The following OSTN variants were observed in gnomAD, a reference collection of about 807,000 sequenced individuals.
OSTN encodes the protein osteocrin.
Under a neutral mutation model 12.0 loss-of-function variants are expected in OSTN, and 9 were observed. That is an observed-to-expected ratio of 0.75 (90% CI 0.45 to 1.30). OSTN has a LOEUF of 1.30. Ranked by LOEUF, OSTN falls within the 50% of genes most tolerant of loss-of-function variation. The pLI, the probability that OSTN is intolerant of heterozygous loss-of-function variation, is 0.00. For missense variants in OSTN, 148 were observed against 152.3 expected, an observed-to-expected ratio of 0.97 and a Z score of 0.15; for synonymous variants, 59 against 56.9, an observed-to-expected ratio of 1.04 and a Z score of -0.16.
chr3:191,240,199 T>G (rs1395906197), intron 3 of OSTN, among the ~76,000 whole-genome samples: 1 of 152,246 alleles, frequency 6.6e-6, no homozygotes, highest in Admixed American at 6.5e-5. Context: ...AACATGGTTT[T>G]GTACACTTTG....
intron 2 of OSTN, chr3:191,217,253 C>T (rs575085802): frequency 5.3e-5 from 8 of 152,248 alleles, no homozygotes; most frequent in Non-Finnish European, 1.0e-4. Flanking sequence ...AGAGAAACTG[C>T]CCCCATAATT....
chr3:191,259,042 T>A (rs1348269739), intron 4 of OSTN, among the ~76,000 whole-genome samples: 1 of 152,050 alleles, frequency 6.6e-6, no homozygotes, highest in Non-Finnish European at 1.5e-5. Flanking sequence ...GAAAGAAGAC[T>A]CCCAGAAAGG....
chr3:191,206,083 C>A (rs1379078137), intron 1 of OSTN, among the ~76,000 whole-genome samples: 2 of 151,836 alleles, frequency 1.3e-5, no homozygotes, highest in South Asian at 2.1e-4. Flanking sequence ...ACTCAGGAGG[C>A]TGAGGCAGGA....
At chr3:191,203,255 C>T (rs76752908) in intron 1 of OSTN, among the ~76,000 whole-genome samples, 4,889 of 152,280 alleles carry the variant, frequency 0.032, 104 homozygotes, top group Middle Eastern at 0.051. Context: ...TGACCCTGTG[C>T]CAGGCATTCT....
intron 3 of OSTN, among the ~76,000 whole-genome samples, chr3:191,243,625 T>G (rs543676336): frequency 1.3e-5 from 2 of 152,286 alleles, no homozygotes; most frequent in African/African-American, 2.4e-5. Context: ...TTCTGATATA[T>G]GTACACATTG....
intron 1 of OSTN, among the ~76,000 whole-genome samples, chr3:191,203,468 G>GA (rs1419472840): frequency 1.3e-5 from 2 of 151,720 alleles, no homozygotes; most frequent in African/African-American, 2.4e-5. Context: ...CCAAATAGAG[G>GA]AAAAAAACAG....
At chr3:191,248,933 C>T (rs894430793) in intron 3 of OSTN, among the ~76,000 whole-genome samples, 2 of 152,186 alleles carry the variant, frequency 1.3e-5, no homozygotes, top group Admixed American at 6.5e-5. Flanking sequence ...GAAATCCTTA[C>T]ATTTGGTGGG....
At chr3:191,246,256 G>A (rs188546307) in intron 3 of OSTN, among the ~76,000 whole-genome samples, 63 of 151,778 alleles carry the variant, frequency 4.2e-4, no homozygotes, top group African/African-American at 1.5e-3. Context: ...TCTCATTCAC[G>A]TTGTTGGCAG....
At chr3:191,203,795 T>G (rs1714206589) in intron 1 of OSTN, among the ~76,000 whole-genome samples, 1 of 152,272 alleles carries the variant, frequency 6.6e-6, no homozygotes, top group Non-Finnish European at 1.5e-5. Flanking sequence ...GTTCTGGCTC[T>G]TCTTCTAACT....
intron 4 of OSTN, among the ~76,000 whole-genome samples, 169 bp from the exon 5 acceptor site, chr3:191,262,697 T>C (rs1411254835): frequency 6.6e-6 from 1 of 152,234 alleles, no homozygotes; most frequent in Non-Finnish European, 1.5e-5. Flanking sequence ...GAACTGAAAT[T>C]GTTATTTTGC....
intron 2 of OSTN, chr3:191,213,220 G>A (rs1714512349): frequency 6.6e-6 from 1 of 152,134 alleles, no homozygotes; most frequent in Non-Finnish European, 1.5e-5. Context: ...TAAGAAGGAG[G>A]TGCAGCTACC....
chr3:191,257,610 A>G (rs1715701595), intron 4 of OSTN, among the ~76,000 whole-genome samples: 1 of 152,236 alleles, frequency 6.6e-6, no homozygotes, highest in South Asian at 2.1e-4. Flanking sequence ...GGCTGTAATC[A>G]AGATACACAG....
chr3:191,239,314 T>TGTAAAC (rs67850642), intron 3 of OSTN, among the ~76,000 whole-genome samples: 1 of 8,948 alleles, frequency 1.1e-4, no homozygotes, highest in African/African-American at 9.4e-4. Flanking sequence ...GTATGCCCTG[T>TGTAAAC]GAAGGGATGA....
intron 3 of OSTN, among the ~76,000 whole-genome samples, chr3:191,235,282 T>C (rs1715161922): frequency 6.6e-6 from 1 of 152,186 alleles, no homozygotes; most frequent in Non-Finnish European, 1.5e-5. Flanking sequence ...ACCATTCTTA[T>C]ATGTGACCCC....
chr3:191,254,449 G>T (rs930121607), intron 4 of OSTN, among the ~76,000 whole-genome samples: 1 of 152,138 alleles, frequency 6.6e-6, no homozygotes, highest in Non-Finnish European at 1.5e-5. Flanking sequence ...AGTCTGCCGG[G>T]CTTTATGAAA....
At chr3:191,249,964 T>G in intron 3 of OSTN, 73 bp from the exon 4 acceptor site, 1 of 1,185,704 alleles carries the variant, frequency 8.4e-7, no homozygotes, top group Non-Finnish European at 1.3e-6. Flanking sequence ...CAGAGCTACA[T>G]AAAATAAAGA....
chr3:191,241,425 C>T (rs1170509807), intron 3 of OSTN, among the ~76,000 whole-genome samples: 2 of 151,966 alleles, frequency 1.3e-5, no homozygotes, highest in Non-Finnish European at 2.9e-5. Flanking sequence ...ACCTCGTGAT[C>T]CACCCGCCTC....
At chr3:191,229,836 G>A (rs1209398752) in intron 3 of OSTN, 1 of 152,088 alleles carries the variant, frequency 6.6e-6, no homozygotes, top group Non-Finnish European at 1.5e-5. Flanking sequence ...AGGTCAAGGC[G>A]GGTGGATCGC....
At chr3:191,251,821 T>C (rs770394342) in intron 4 of OSTN, among the ~76,000 whole-genome samples, 1 of 152,176 alleles carries the variant, frequency 6.6e-6, no homozygotes, top group Non-Finnish European at 1.5e-5. Context: ...TTGTTAAAAA[T>C]TGCCACATTA....
Sources: gnomAD v4.1 joint callset for allele counts (sites outside exome capture counted in the v4.1 genomes callset) on GRCh38, gnomAD v4.1.1 for gene constraint, MANE v1.5 for transcripts, NCBI Gene and HGNC (gene_info 2026-07-23, HGNC 2026-07-21) for gene names.